PTPRD: variants seen among roughly 807,000 people sequenced by gnomAD.
The protein encoded by PTPRD is receptor-type tyrosine-protein phosphatase delta.
PTPRD carries 34 observed loss-of-function variants against 214.5 expected under a neutral mutation model. The observed-to-expected ratio is 0.16, with a 90% CI of 0.12 to 0.21. The LOEUF (loss-of-function observed/expected upper bound fraction) is 0.21, where lower values mean the gene tolerates loss of function less well. PTPRD is among the 10% of genes least tolerant of loss of function. The pLI is 1.00. For synonymous variants in PTPRD, 1,128 were observed against 845.7 expected (o/e 1.33, Z -5.79); for missense variants, 2,545 against 2,398.7 (o/e 1.06, Z -1.27).
intron 2 of PTPRD, among the ~76,000 whole-genome samples, chr9:10,488,598 G>C (rs1156315195): frequency 6.6e-6 from 1 of 152,024 alleles, no homozygotes; most frequent in South Asian, 2.1e-4. Context: ...GGGAGCCAGG[G>C]ATTAGGATAA....
intron 3 of PTPRD, among the ~76,000 whole-genome samples, chr9:10,066,590 G>A (rs1235993346): frequency 1.3e-5 from 2 of 151,650 alleles, no homozygotes; most frequent in Non-Finnish European, 1.5e-5. Context: ...CTCCATGGGG[G>A]GACTTCCTAC....
chr9:10,169,204 G>A (rs570785508), intron 3 of PTPRD, among the ~76,000 whole-genome samples: 1 of 152,286 alleles, frequency 6.6e-6, no homozygotes, highest in Non-Finnish European at 1.5e-5. Flanking sequence ...GCCGGGCGCG[G>A]TGGCTCACGC....
At chr9:9,551,807 A>T (rs192249684) in intron 8 of PTPRD, among the ~76,000 whole-genome samples, 27 of 152,010 alleles carry the variant, frequency 1.8e-4, no homozygotes, top group Non-Finnish European at 3.5e-4. Context: ...AAACCAACTT[A>T]TGTATCTGCT....
intron 3 of PTPRD, among the ~76,000 whole-genome samples, chr9:10,297,519 G>A (rs600075): frequency 0.19 from 28,525 of 151,070 alleles, 3,791 homozygotes; most frequent in African/African-American, 0.35. Context: ...AATTCCCAGG[G>A]TGAGCCTGAG....
chr9:8,533,178 C>T (rs1386830680), intron 14 of PTPRD, among the ~76,000 whole-genome samples: 1 of 152,044 alleles, frequency 6.6e-6, no homozygotes, highest in African/African-American at 2.4e-5. Flanking sequence ...TGAATCTCTT[C>T]TTTGTAAGGA....
chr9:8,998,880 T>A (rs2154353415), intron 11 of PTPRD, among the ~76,000 whole-genome samples: 1 of 152,160 alleles, frequency 6.6e-6, no homozygotes, highest in Admixed American at 6.6e-5. Flanking sequence ...CAGATGACTT[T>A]GAGAGGTTCA....
intron 8 of PTPRD, among the ~76,000 whole-genome samples, chr9:9,455,815 A>T (rs995075120): frequency 2.0e-5 from 3 of 151,842 alleles, no homozygotes; most frequent in African/African-American, 7.2e-5. Context: ...GTTTTTCATA[A>T]AGTTCAAACA....
chr9:9,388,733 T>C (rs962743468), intron 9 of PTPRD, among the ~76,000 whole-genome samples: 2 of 152,302 alleles, frequency 1.3e-5, no homozygotes, highest in East Asian at 1.9e-4. Flanking sequence ...CCAGTAATTA[T>C]AGGTATTAGT....
chr9:8,719,420 T>C (rs1161639663), intron 12 of PTPRD, among the ~76,000 whole-genome samples: 1 of 152,212 alleles, frequency 6.6e-6, no homozygotes, highest in Non-Finnish European at 1.5e-5. Context: ...AGCAAAGTGA[T>C]AAAGGAGGCT....
intron 6 of PTPRD, among the ~76,000 whole-genome samples, chr9:9,751,893 A>G (rs1187604997): frequency 6.6e-6 from 1 of 152,176 alleles, no homozygotes; most frequent in Non-Finnish European, 1.5e-5. Flanking sequence ...AAAGTGATAT[A>G]TAAAGCATGT....
intron 5 of PTPRD, among the ~76,000 whole-genome samples, chr9:9,864,143 A>G (rs2153697216): frequency 6.6e-6 from 1 of 152,012 alleles, no homozygotes; most frequent in East Asian, 1.9e-4. Context: ...CACCTCTACT[A>G]AAAAATACAA....
At chr9:8,931,046 T>C (rs1194041717) in intron 11 of PTPRD, among the ~76,000 whole-genome samples, 3 of 152,190 alleles carry the variant, frequency 2.0e-5, no homozygotes, top group African/African-American at 7.2e-5. Context: ...CATGCCTATG[T>C]CCTGAATGGT....
chr9:9,871,011 A>G (rs1216426998), intron 5 of PTPRD, among the ~76,000 whole-genome samples: 4 of 152,180 alleles, frequency 2.6e-5, no homozygotes, highest in African/African-American at 9.6e-5. Flanking sequence ...ACTCCATAAA[A>G]ATTAAGAGAT....
At chr9:8,511,512 G>T (rs1263784739) in intron 21 of PTPRD, among the ~76,000 whole-genome samples, 1 of 150,370 alleles carries the variant, frequency 6.7e-6, no homozygotes, top group Non-Finnish European at 1.5e-5. Context: ...GAGTTTTTCT[G>T]TGTTGTAACA....
intron 9 of PTPRD, among the ~76,000 whole-genome samples, chr9:9,201,021 T>G (rs2099941521): frequency 6.6e-6 from 1 of 152,326 alleles, no homozygotes; most frequent in Admixed American, 6.5e-5. Flanking sequence ...AGGGTTAGAA[T>G]AGCAGGACTA....
intron 9 of PTPRD, among the ~76,000 whole-genome samples, chr9:9,317,558 T>C (rs1312991671): frequency 1.3e-5 from 2 of 152,078 alleles, no homozygotes; most frequent in African/African-American, 2.4e-5. Context: ...ATTGCGTCTA[T>C]GGCCTGCACT....
At chr9:9,985,399 A>G (rs2095674809) in intron 4 of PTPRD, among the ~76,000 whole-genome samples, 1 of 152,222 alleles carries the variant, frequency 6.6e-6, no homozygotes, top group Non-Finnish European at 1.5e-5. Flanking sequence ...TTTGAACTGT[A>G]GCCATTACTA....
chr9:10,004,888 C>T (rs917178741), intron 4 of PTPRD, among the ~76,000 whole-genome samples: 6 of 152,092 alleles, frequency 3.9e-5, no homozygotes, highest in African/African-American at 1.2e-4. Flanking sequence ...CTCATTCCCT[C>T]GAAGGACTGG....
chr9:9,193,354 G>T (rs1413645004), intron 9 of PTPRD, among the ~76,000 whole-genome samples: 2 of 152,032 alleles, frequency 1.3e-5, no homozygotes, highest in Non-Finnish European at 1.5e-5. Flanking sequence ...TATTTTAAGG[G>T]GGCAAATACA....
Sources: allele counts gnomAD v4.1 joint callset (sites outside exome capture counted in the v4.1 genomes callset), GRCh38; gene constraint gnomAD v4.1.1; transcripts MANE v1.5; gene names NCBI Gene and HGNC (gene_info 2026-07-23, HGNC 2026-07-21).